Variants in ANK2 observed in about 807,000 individuals in gnomAD.
The protein encoded by ANK2 is ankyrin-2.
A neutral mutation model predicts 360.5 loss-of-function variants in ANK2; 83 were observed. The observed-to-expected ratio is 0.23, with a 90% CI of 0.19 to 0.28. ANK2 has a LOEUF of 0.28. Among genes scored for constraint, ANK2 ranks in the 10% least tolerant of loss-of-function variants. The probability of loss-of-function intolerance (pLI) is 1.00; values close to 1 mark genes in which losing one functional copy is unlikely to be tolerated. For missense variants in ANK2, 4,201 were observed against 4,795.7 expected (o/e 0.88, Z 3.66); for synonymous variants, 1,740 against 1,759.5 (o/e 0.99, Z 0.28).
At chr4:112,724,588 CA>C in the ANK2 span, among the ~76,000 whole-genome samples, 3 of 151,384 alleles carry the variant, frequency 2.0e-5, no homozygotes, top group African/African-American at 4.9e-5. Flanking sequence ...CACACACACA[CA>C]CCACACCATC....
At chr4:113,047,682 A>T (rs1226011789), upstream of ANK2, among the ~76,000 whole-genome samples, 1 of 4,792 alleles carries the variant, frequency 2.1e-4, no homozygotes, top group Non-Finnish European at 4.3e-4. Flanking sequence ...TTTGTTTTAA[A>T]AAAAAAGAGA....
chr4:113,345,279 G>A (rs879939312), intron 34 of ANK2, among the ~76,000 whole-genome samples: 5 of 152,132 alleles, frequency 3.3e-5, no homozygotes, highest in Middle Eastern at 3.2e-3. Context: ...GGTTATTAGG[G>A]GCTGGGCAAG....
chr4:113,178,332 C>T (rs553746989), intron 2 of ANK2, among the ~76,000 whole-genome samples: 1 of 152,094 alleles, frequency 6.6e-6, no homozygotes, highest in Non-Finnish European at 1.5e-5. Context: ...CTTTGGGAGG[C>T]CAGGAGGTGG....
intron 1 of ANK2, among the ~76,000 whole-genome samples, chr4:113,120,820 C>T (rs112990285): frequency 0.012 from 1,824 of 152,154 alleles, 36 homozygotes; most frequent in African/African-American, 0.041. Context: ...CATGTGTTCT[C>T]ATCATTTAGT....
chr4:112,845,328 T>C (rs1419234957), intron 1 of ANK2, among the ~76,000 whole-genome samples: 1 of 151,634 alleles, frequency 6.6e-6, no homozygotes, highest in African/African-American at 2.4e-5. Context: ...AGGTGTTTTT[T>C]TTTTTGACTT....
Position 113,359,025 on chromosome 4 carries a change from C to T in ANK2, c.10407C>T (p.Asp3469=), listed in dbSNP as rs1207598022. Residue 3469 remains aspartate (D), a synonymous_variant, in exon 38 of 46, where the codon GAC becomes GAT. Transcript: ENST00000357077. ...PTKESKEHFF[D]LYRNSIEFFE... is the part of the protein sequence containing the mutation. ...AAGAAAGTAAGGAGCATTTCTTTGA[C>T]CTTTACAGAAATTCCATAGAATTCT... 1.2e-6 allele frequency: 2 copies of T among 1,613,924 alleles called. No individual in the cohort carries two copies. Among genetic ancestry groups the T allele is most frequent in the Admixed American group, 1.7e-5 (1 of 59,994 alleles).
chr4:113,134,369 C>G (rs1006048261), intron 1 of ANK2, among the ~76,000 whole-genome samples: 1 of 135,544 alleles, frequency 7.4e-6, no homozygotes, highest in Admixed American at 8.3e-5. Context: ...AGGAGGGCTA[C>G]TGAGGTATTA....
At chr4:112,822,361 T>C (rs1250042156) in intron 1 of ANK2, among the ~76,000 whole-genome samples, 2 of 145,198 alleles carry the variant, frequency 1.4e-5, no homozygotes, top group South Asian at 4.3e-4. Context: ...GAGGTTGCAG[T>C]GAGCCAAGAT....
At chr4:112,795,942 G>T in the ANK2 span, among the ~76,000 whole-genome samples, 1 of 151,146 alleles carries the variant, frequency 6.6e-6, no homozygotes, top group Admixed American at 6.6e-5. Flanking sequence ...TGGGACTATA[G>T]GTGTACACCA....
intron 2 of ANK2, among the ~76,000 whole-genome samples, chr4:112,941,042 G>T (rs1344870342): frequency 4.6e-5 from 7 of 152,018 alleles, no homozygotes; most frequent in Non-Finnish European, 7.4e-5. Flanking sequence ...ATTGTGAGAA[G>T]AGTTTGGCTA....
chr4:113,010,640 C>T (rs1163360288), intron 2 of ANK2, among the ~76,000 whole-genome samples: 2 of 151,978 alleles, frequency 1.3e-5, no homozygotes, highest in Non-Finnish European at 2.9e-5. Context: ...AATGAACAGC[C>T]TGGTGTGATG....
intron 1 of ANK2, among the ~76,000 whole-genome samples, chr4:113,079,897 A>AT (rs138918846): frequency 1.3e-3 from 190 of 144,454 alleles, no homozygotes; most frequent in South Asian, 5.9e-3. Flanking sequence ...CACCCTGAGA[A>AT]TTTTTTTTTT....
At chr4:113,025,103 T>C (rs1367376829) in intron 2 of ANK2, among the ~76,000 whole-genome samples, 1 of 152,142 alleles carries the variant, frequency 6.6e-6, no homozygotes, top group Non-Finnish European at 1.5e-5. Flanking sequence ...CCATAATTCA[T>C]GTACAAAGTT....
Position 113,369,675 on chromosome 4 carries a change from A to G in ANK2, c.11480A>G (p.Gln3827Arg), listed in dbSNP as rs1554590231. The change falls in exon 43 of 46, where the codon CAA (glutamine) becomes CGA (arginine). Residue 3827 changes from glutamine (Q) to arginine (R), a missense_variant. This residue lies in a region of ANK2 where 2,642 missense variants were observed against 2,714.5 expected (regional missense o/e 0.97). Transcript: ENST00000357077. ...SSERGGSPII[Q>R]EPEEPSEHRE... Reference sequence around the variant, plus strand: ...GAGCGGGGAGGCTCTCCCATCATACAAGAACCCGAAGAGCCCTCAGAGCAC... The same window carrying G: ...GAGCGGGGAGGCTCTCCCATCATACGAGAACCCGAAGAGCCCTCAGAGCAC... 1.2e-6 allele frequency: 2 copies of G among 1,613,990 alleles called. No individual in the cohort carries two copies. The highest frequency in any genetic ancestry group is 1.6e-4 in the Middle Eastern group (1 of 6,084).
At chr4:113,333,287 G>GGT in intron 29 of ANK2, 79 bp downstream of exon 29, 1 of 1,489,144 alleles carries the variant, frequency 6.7e-7, no homozygotes. Context: ...ATGACCTAGG[G>GGT]GTGTGTGTAT....
rs1301907721 is a variant in ANK2, at chr4:113,357,833, A to G, written c.9215A>G (p.Asp3072Gly). 1 of 1,613,918 alleles carries G rather than the reference A, an allele frequency of 6.2e-7. No individual in the cohort carries two copies. The highest frequency in any genetic ancestry group is 8.5e-7 in the Non-Finnish European group (1 of 1,179,890). Residue 3072 changes from aspartate to glycine, a missense_variant, in exon 38 of 46, where the codon GAC becomes GGC. This residue lies in a region of ANK2 where 2,642 missense variants were observed against 2,714.5 expected (regional missense o/e 0.97). Transcript: ENST00000357077. The stretch of plus-strand genomic sequence containing the variant: ...CAAAAGATATTTGGTTTGATGGTAG[A>G]CAGACAATCACAGGGTACCACCCCT... ...EEQKIFGLMV[D>G]RQSQGTTPDT...
intron 4 of ANK2, among the ~76,000 whole-genome samples, chr4:113,200,320 C>G (rs957375412): frequency 6.6e-6 from 1 of 152,186 alleles, no homozygotes; most frequent in Admixed American, 6.5e-5. Flanking sequence ...CCTGCAGAAG[C>G]TACTGCTCCA....
chr4:112,763,197 CTACAGGCATTAGCCA>C, the ANK2 span, among the ~76,000 whole-genome samples: 2 of 151,472 alleles, frequency 1.3e-5, no homozygotes, highest in African/African-American at 4.8e-5. Context: ...GTAGCTGGGA[CTACAGGCATTAGCCA>C]CCACACCTGG....
the ANK2 span, among the ~76,000 whole-genome samples, chr4:112,764,508 G>A: frequency 6.6e-6 from 1 of 151,298 alleles, no homozygotes; most frequent in African/African-American, 2.4e-5. Flanking sequence ...GCTAATTTTT[G>A]TATATTTAGT....
Sources: gnomAD v4.1 joint callset for allele counts (sites outside exome capture counted in the v4.1 genomes callset) on GRCh38, gnomAD v4.1.1 for gene constraint, gnomAD v4.1.1 regional missense constraint, MANE v1.5 for transcripts, NCBI Gene and HGNC (gene_info 2026-07-23, HGNC 2026-07-21) for gene names.